The following BBS9 variants were observed in gnomAD, a reference collection of about 807,000 sequenced individuals.
BBS9 encodes protein PTHB1.
BBS9 carries 89 observed loss-of-function variants against 117.7 expected under a neutral mutation model. The observed-to-expected ratio is 0.76, with a 90% confidence interval of 0.64 to 0.90. BBS9 has a LOEUF of 0.90. BBS9 is among the 40% of genes least tolerant of loss of function. BBS9 has a pLI of 0.00. For missense variants in BBS9, 982 were observed against 1,042.2 expected, an observed-to-expected ratio of 0.94 and a Z score of 0.80; for synonymous variants, 379 against 370.9, an observed-to-expected ratio of 1.02 and a Z score of -0.25.
At chr7:33,341,891 T>G (rs1816642561) in intron 11 of BBS9, among the ~76,000 whole-genome samples, 1 of 152,172 alleles carries the variant, frequency 6.6e-6, no homozygotes, top group East Asian at 1.9e-4. Flanking sequence ...TCTCACTGAC[T>G]GCAGTTTATC....
intron 9 of BBS9, among the ~76,000 whole-genome samples, chr7:33,311,968 A>G (rs927732793): frequency 1.3e-5 from 2 of 152,216 alleles, no homozygotes; most frequent in Admixed American, 1.3e-4. Flanking sequence ...AGCAATTTTA[A>G]TTTTGAAAGA....
intron 19 of BBS9, among the ~76,000 whole-genome samples, chr7:33,399,889 G>T (rs1828630624): frequency 6.6e-6 from 1 of 152,086 alleles, no homozygotes; most frequent in South Asian, 2.1e-4. Context: ...ATTAATGGGG[G>T]TTGTACATAC....
At chr7:33,390,674 A>G (rs1411708425) in intron 19 of BBS9, 1 of 841,650 alleles carries the variant, frequency 1.2e-6, no homozygotes, top group African/African-American at 1.8e-5. Flanking sequence ...TTAATGACAT[A>G]CTTAACACAT....
intron 5 of BBS9, chr7:33,242,942 G>C (rs1233677677): frequency 3.9e-6 from 2 of 518,702 alleles, no homozygotes; most frequent in Admixed American, 3.9e-5. Flanking sequence ...CTTACCAGCT[G>C]TGTGTCCTTT....
rs532886968 is a variant in BBS9, at chr7:33,485,530, C to T, written c.2116-19933C>T. 9.9e-5 allele frequency among the ~76,000 whole-genome samples: 15 copies of T among 152,032 alleles called. No homozygotes were observed. In the South Asian group the frequency reaches 1.0e-3, roughly 11 times the overall value. On this transcript the variant is annotated intron_variant, in intron 19 of 22. Coordinates refer to ENST00000242067, the MANE Select transcript of BBS9 (RefSeq NM_198428.3). ...TTCACCGTGTTAGCCAGGATGGTCTCGATCTCCTGACCTCGTGATCCACCT... is the reference window on the plus strand; with the variant it reads ...TTCACCGTGTTAGCCAGGATGGTCTTGATCTCCTGACCTCGTGATCCACCT...
rs2128667642 is a variant in BBS9, at chr7:33,351,292, A to C, written c.1506A>C (p.Gly502=). 1.2e-6 allele frequency: 2 copies of C among 1,612,716 alleles called. No individual in the cohort carries two copies. Among genetic ancestry groups the C allele is most frequent in the East Asian group, 4.5e-5 (2 of 44,788 alleles). ...KRSYTPSELE[G]NAVVSYSRPT... ...GTTATACACCATCAGAATTGGAAGG[A>C]AATGCTGTTGTTTCTTATTCCAGAC... The change falls in exon 14 of 23, where the codon GGA becomes GGC. Residue 502 remains glycine (G), a synonymous_variant. Transcript: ENST00000242067.
At chr7:33,157,724 CA>C (rs1410325362) in intron 4 of BBS9, 1 of 152,184 alleles carries the variant, frequency 6.6e-6, no homozygotes, top group Non-Finnish European at 1.5e-5. Context: ...GCTCCCTTCT[CA>C]AATATTTTCA....
At chr7:33,259,124 G>A (rs1330947193) in intron 6 of BBS9, among the ~76,000 whole-genome samples, 1 of 152,046 alleles carries the variant, frequency 6.6e-6, no homozygotes, top group Non-Finnish European at 1.5e-5. Context: ...CTGCATTTTT[G>A]GATTTTGGAG....
chr7:33,616,290 GACA>G (rs1376982406), intron 21 of BBS9, among the ~76,000 whole-genome samples: 3 of 150,788 alleles, frequency 2.0e-5, no homozygotes, highest in Admixed American at 6.6e-5. Flanking sequence ...TGAAATGAAT[GACA>G]ACAATGATAC....
chr7:33,205,353 C>T (rs1044006158), intron 5 of BBS9, among the ~76,000 whole-genome samples: 3 of 152,126 alleles, frequency 2.0e-5, no homozygotes, highest in African/African-American at 7.2e-5. Flanking sequence ...ACCAGTATTT[C>T]AGTTTTGTTC....
At chr7:33,469,703 C>A (rs1203699264) in intron 19 of BBS9, among the ~76,000 whole-genome samples, 1 of 151,922 alleles carries the variant, frequency 6.6e-6, no homozygotes, top group Non-Finnish European at 1.5e-5. Context: ...CATCAAGCAC[C>A]TCACCCCACA....
At chr7:33,315,587 A>G (rs1454374301) in intron 9 of BBS9, among the ~76,000 whole-genome samples, 1 of 152,156 alleles carries the variant, frequency 6.6e-6, no homozygotes, top group Non-Finnish European at 1.5e-5. Context: ...TCATATTTGC[A>G]GTCTACCACA....
At chr7:33,538,022 C>T (rs1402449377) in intron 21 of BBS9, among the ~76,000 whole-genome samples, 1 of 152,130 alleles carries the variant, frequency 6.6e-6, no homozygotes, top group African/African-American at 2.4e-5. Flanking sequence ...AGAGCAAATG[C>T]TGTAGGCACC....
chr7:33,342,239 C>G (rs1451471980), intron 11 of BBS9, among the ~76,000 whole-genome samples: 2 of 152,022 alleles, frequency 1.3e-5, no homozygotes, highest in African/African-American at 4.8e-5. Context: ...GAAACATTCA[C>G]CCAGCTGAGT....
At chr7:33,519,519 T>TA (rs1396693339) in intron 20 of BBS9, among the ~76,000 whole-genome samples, 1 of 152,210 alleles carries the variant, frequency 6.6e-6, no homozygotes, top group African/African-American at 2.4e-5. Flanking sequence ...ATGAAGGTGC[T>TA]AAAAGCTTTG....
At position 33,280,292 on chromosome 7, in the gene BBS9, A is replaced by G. The variant is rs574024566; in HGVS notation, c.1016+6336A>G. ...CTGTCACCCGGGTAGTCAGCATAGT[A>G]CCCAATAAGTAGGTGTTCCACCCAC... On this transcript the variant is annotated intron_variant, in intron 9 of 22. Transcript: ENST00000242067. 7.2e-5 allele frequency among the ~76,000 whole-genome samples: 11 copies of G among 152,220 alleles called. No homozygotes were observed. The East Asian group carries it at 2.1e-3, about 29-fold the overall frequency.
At chr7:33,486,336 G>C (rs1843111597) in intron 19 of BBS9, among the ~76,000 whole-genome samples, 1 of 152,138 alleles carries the variant, frequency 6.6e-6, no homozygotes, top group African/African-American at 2.4e-5. Context: ...AATCTCCTCG[G>C]AGAGGAAGTA....
Position 33,383,831 on chromosome 7 carries a change from A to AT in BBS9, c.1959dup (p.Glu654Ter). On this transcript the variant is annotated frameshift_variant, in exon 18 of 23. Transcript: ENST00000242067. LOFTEE classifies it high-confidence loss of function. ...GAATATTTTGAGTTGATTGATCATCATTTTGAGGTATGTATGATCATAACC... is the reference window on the plus strand; with the variant it reads ...GAATATTTTGAGTTGATTGATCATCATTTTTGAGGTATGTATGATCATAACC... The AT allele has an allele frequency of 6.2e-7, 1 of 1,611,494 alleles. No homozygotes were observed. The highest frequency in any genetic ancestry group is 8.5e-7 in the Non-Finnish European group (1 of 1,179,502).
rs1426623943 is a variant in BBS9, at chr7:33,509,573, AGACATGTG to A, written c.2298+3932_2298+3939del. ...GTACATGTGTGAGAGGGAAAACTTT[AGACATGTG>A]GACGACATTTTCAGAAGAGCCTCTC... On this transcript the variant is annotated intron_variant, in intron 20 of 22. Coordinates refer to ENST00000242067, the MANE Select transcript of BBS9 (RefSeq NM_198428.3). 2.0e-5 allele frequency among the ~76,000 whole-genome samples: 3 copies of A among 152,226 alleles called. No homozygotes were observed. In the East Asian group the frequency reaches 5.8e-4, roughly 29 times the overall value.
Sources: gnomAD v4.1 joint callset for allele counts (sites outside exome capture counted in the v4.1 genomes callset) on GRCh38, gnomAD v4.1.1 for gene constraint, MANE v1.5 for transcripts, NCBI Gene and HGNC (gene_info 2026-07-23, HGNC 2026-07-21) for gene names.